Variants in EVA1A observed in about 807,000 individuals in gnomAD.
EVA1A encodes the protein protein eva-1 homolog A.
EVA1A carries 7 observed loss-of-function variants against 9.8 expected under a neutral mutation model. The ratio of observed to expected loss-of-function variants is 0.71; its 90% confidence interval spans 0.41 to 1.34. EVA1A has a LOEUF of 1.34. EVA1A is among the 40% of genes most tolerant of loss of function. The probability of loss-of-function intolerance (pLI) is 0.01; values close to 1 mark genes in which losing one functional copy is unlikely to be tolerated. For synonymous variants in EVA1A, 90 were observed against 85.6 expected (o/e 1.05, Z -0.28); for missense variants, 206 against 205.9 (o/e 1.00, Z 0.00).
chr2:75,512,679 C>CCTTT (rs1347105536), intron 3 of EVA1A, among the ~76,000 whole-genome samples: 1 of 152,144 alleles, frequency 6.6e-6, no homozygotes, highest in Non-Finnish European at 1.5e-5. Context: ...ATCATCAAGT[C>CCTTT]CTTTCTTCCT....
intron 3 of EVA1A, among the ~76,000 whole-genome samples, chr2:75,498,881 G>T (rs1007454523): frequency 6.6e-6 from 1 of 151,754 alleles, no homozygotes; most frequent in African/African-American, 2.4e-5. Flanking sequence ...GATGCTATGG[G>T]ATCACATCAA....
chr2:75,548,488 C>T (rs1220937650), intron 1 of EVA1A, among the ~76,000 whole-genome samples: 1 of 152,086 alleles, frequency 6.6e-6, no homozygotes, highest in African/African-American at 2.4e-5. Context: ...GATTAAGAGT[C>T]CCCCCAAACA....
chr2:75,545,035 T>C (rs746809371), intron 1 of EVA1A, among the ~76,000 whole-genome samples: 5 of 152,224 alleles, frequency 3.3e-5, no homozygotes, highest in Non-Finnish European at 5.9e-5. Context: ...AACTGTATGT[T>C]AAAAACTAAA....
chr2:75,493,117 T>G lies in EVA1A; in HGVS notation c.*119A>C. On this transcript the variant is annotated 3_prime_UTR_variant, in exon 4 of 4. Coordinates refer to ENST00000393913, the MANE Select transcript of EVA1A (RefSeq NM_001135032.2). The stretch of plus-strand genomic sequence containing the variant: ...TCCTGGCTAGAAAAGGGGCATGTCC[T>G]GCTTTTTCTCTGAAATCACAATATT... 7.1e-7 allele frequency: 1 copy of G among 1,417,156 alleles called. No homozygotes were observed. The highest frequency in any genetic ancestry group is 1.4e-5 in the South Asian group (1 of 71,758). The allele number at this position is 1,417,156 out of a possible 1,614,324, so 87.8% of individuals were successfully genotyped here.
intron 1 of EVA1A, among the ~76,000 whole-genome samples, chr2:75,556,824 T>C (rs1398855088): frequency 6.6e-6 from 1 of 152,054 alleles, no homozygotes. Flanking sequence ...CGGCTTGCAA[T>C]AGGGTTCATG....
At position 75,495,404 on chromosome 2, in the gene EVA1A, C is replaced by T. The variant is rs147175406; in HGVS notation, c.86-1795G>A. Among the ~76,000 whole-genome samples, 78 of 152,268 alleles carry T rather than the reference C, an allele frequency of 5.1e-4. 1 individual carries two copies. Among genetic ancestry groups the T allele is most frequent in the African/African-American group, 1.8e-3 (74 of 41,544 alleles). ...GCTAGGACGATTAGGTAAATTCAAG[C>T]CTACTGAAGACCACAGTGTTCTCCC... On this transcript the variant is annotated intron_variant, in intron 3 of 3. Coordinates refer to ENST00000393913, the MANE Select transcript of EVA1A (RefSeq NM_001135032.2).
chr2:75,500,672 A>G (rs1342252525), intron 3 of EVA1A, among the ~76,000 whole-genome samples: 1 of 151,590 alleles, frequency 6.6e-6, no homozygotes, highest in Non-Finnish European at 1.5e-5. Flanking sequence ...TTTTATCTCA[A>G]ACAGCAAGTT....
At chr2:75,537,901 C>T (rs1400201812) in intron 1 of EVA1A, among the ~76,000 whole-genome samples, 1 of 152,206 alleles carries the variant, frequency 6.6e-6, no homozygotes, top group Non-Finnish European at 1.5e-5. Context: ...TATGCTTGTA[C>T]AGTCTGCAGA....
intron 1 of EVA1A, among the ~76,000 whole-genome samples, chr2:75,540,153 G>C (rs993394665): frequency 1.3e-5 from 2 of 152,228 alleles, no homozygotes; most frequent in African/African-American, 4.8e-5. Context: ...CTGCTATCAA[G>C]GGCAAAGCAG....
chr2:75,512,762 T>C (rs1373098390), intron 3 of EVA1A, among the ~76,000 whole-genome samples: 1 of 152,152 alleles, frequency 6.6e-6, no homozygotes, highest in African/African-American at 2.4e-5. Flanking sequence ...TAATTCTTTG[T>C]TGCAGGAGAT....
chr2:75,528,040 C>T (rs545959549), intron 1 of EVA1A, among the ~76,000 whole-genome samples: 1 of 152,304 alleles, frequency 6.6e-6, no homozygotes, highest in Non-Finnish European at 1.5e-5. Flanking sequence ...ATTTAGAGAG[C>T]TGAGCAAAAT....
intron 3 of EVA1A, among the ~76,000 whole-genome samples, chr2:75,494,644 C>A (rs1229362660): frequency 3.3e-5 from 5 of 152,190 alleles, no homozygotes; most frequent in Non-Finnish European, 1.5e-5. Flanking sequence ...CTTGAGGGGA[C>A]CACAGTCCTG....
At chr2:75,512,040 G>A (rs1674835357) in intron 3 of EVA1A, among the ~76,000 whole-genome samples, 2 of 151,960 alleles carry the variant, frequency 1.3e-5, no homozygotes, top group African/African-American at 2.4e-5. Flanking sequence ...AAAATTTTAT[G>A]GGTACATAGA....
At chr2:75,563,259 C>T (rs1465899156), upstream of EVA1A, among the ~76,000 whole-genome samples, 1 of 152,218 alleles carries the variant, frequency 6.6e-6, no homozygotes, top group Non-Finnish European at 1.5e-5. Flanking sequence ...TGCAGCAGGA[C>T]AGAAGTGCAT....
chr2:75,529,768 C>T (rs1482834310), intron 1 of EVA1A, among the ~76,000 whole-genome samples: 2 of 152,088 alleles, frequency 1.3e-5, no homozygotes, highest in Non-Finnish European at 2.9e-5. Flanking sequence ...AATTTCACAG[C>T]ATTAAATGCC....
chr2:75,521,100 G>C (rs1675214416), intron 2 of EVA1A, among the ~76,000 whole-genome samples: 1 of 152,160 alleles, frequency 6.6e-6, no homozygotes, highest in Non-Finnish European at 1.5e-5. Flanking sequence ...ATAGGCACAT[G>C]AAAAGATGCT....
At chr2:75,555,336 T>TCTCTCTCTCTCTCTC (rs766586263) in intron 1 of EVA1A, among the ~76,000 whole-genome samples, 1 of 102,744 alleles carries the variant, frequency 9.7e-6, no homozygotes, top group Non-Finnish European at 2.2e-5. Flanking sequence ...TCTCTCTCTC[T>TCTCTCTCTCTCTCTC]CCCCCATCTC....
At chr2:75,554,626 G>C (rs931042998) in intron 1 of EVA1A, among the ~76,000 whole-genome samples, 1 of 152,200 alleles carries the variant, frequency 6.6e-6, no homozygotes, top group Admixed American at 6.5e-5. Context: ...TCCTGGCTCT[G>C]CCTTTTAGTT....
upstream of EVA1A, among the ~76,000 whole-genome samples, chr2:75,564,881 C>A (rs937951932): frequency 6.6e-6 from 1 of 152,170 alleles, no homozygotes; most frequent in African/African-American, 2.4e-5. Context: ...TTTGATTACC[C>A]CCATTTTACT....
Sources: gnomAD v4.1 joint callset for allele counts (sites outside exome capture counted in the v4.1 genomes callset) on GRCh38, gnomAD v4.1.1 for gene constraint, MANE v1.5 for transcripts, NCBI Gene and HGNC (gene_info 2026-07-23, HGNC 2026-07-21) for gene names.